Variants in STARD13 observed in about 807,000 individuals in gnomAD.
The protein encoded by STARD13 is stAR-related lipid transfer protein 13.
STARD13 carries 62 observed loss-of-function variants against 106.4 expected under a neutral mutation model. The ratio of observed to expected loss-of-function variants is 0.58; its 90% CI spans 0.48 to 0.72. The LOEUF is 0.72. STARD13 is among the 30% of genes least tolerant of loss of function. STARD13 has a pLI of 0.00. For synonymous variants in STARD13, 565 were observed against 553.0 expected (o/e 1.02, Z -0.31); for missense variants, 1,387 against 1,424.0 (o/e 0.97, Z 0.42).
the STARD13 span, among the ~76,000 whole-genome samples, chr13:33,409,295 G>A: frequency 6.6e-6 from 1 of 152,056 alleles, no homozygotes; most frequent in Non-Finnish European, 1.5e-5. Flanking sequence ...CTAAGACCCA[G>A]CTACTATCAT....
Position 33,117,594 on chromosome 13 carries a change from GCTTA to G in STARD13, c.2281+467_2281+470del, listed in dbSNP as rs559844204. The G allele has an allele frequency of 4.3e-5, 42 of 977,308 alleles. No individual in the cohort carries two copies. The South Asian group carries it at 1.8e-3, about 42-fold the overall frequency. The allele number at this position is 977,308 out of a possible 1,614,324, so 60.5% of individuals were successfully genotyped here. A position where few individuals can be genotyped will look rare whatever the true frequency, so the allele number is the denominator to read the frequency against. On this transcript the variant is annotated intron_variant, in intron 8 of 13. Transcript: ENST00000336934. Reference sequence around the variant, plus strand: ...TTAAGCTTAAGACTTGATTTGGTTTGCTTACTTTTCACCAATGAAGATACTTTGT... The same window carrying G: ...TTAAGCTTAAGACTTGATTTGGTTTGCTTTTCACCAATGAAGATACTTTGT...
At chr13:33,369,708 C>A in the STARD13 span, among the ~76,000 whole-genome samples, 1 of 151,976 alleles carries the variant, frequency 6.6e-6, no homozygotes, top group Admixed American at 6.5e-5. Flanking sequence ...AAGTGCATTA[C>A]ATATATTTTT....
the STARD13 span, among the ~76,000 whole-genome samples, chr13:33,463,157 G>A: frequency 6.6e-6 from 1 of 152,158 alleles, no homozygotes; most frequent in African/African-American, 2.4e-5. Flanking sequence ...ATTTTGCCCA[G>A]GAAAGAATTC....
chr13:33,503,343 C>T, the STARD13 span, among the ~76,000 whole-genome samples: 1 of 152,134 alleles, frequency 6.6e-6, no homozygotes, highest in Non-Finnish European at 1.5e-5. Flanking sequence ...CTCCTGGATT[C>T]ATTGATTTTT....
the STARD13 span, among the ~76,000 whole-genome samples, chr13:33,514,383 C>T: frequency 1.3e-5 from 2 of 152,010 alleles, no homozygotes; most frequent in African/African-American, 2.4e-5. Context: ...AATAACTCAT[C>T]GAAAGGAAGG....
chr13:33,512,718 C>T, the STARD13 span, among the ~76,000 whole-genome samples: 7 of 152,134 alleles, frequency 4.6e-5, no homozygotes, highest in South Asian at 1.4e-3. Flanking sequence ...ATCCACCTGC[C>T]TCGGACTCTC....
intron 1 of STARD13, among the ~76,000 whole-genome samples, chr13:33,194,457 T>C (rs1467565968): frequency 6.6e-6 from 1 of 152,222 alleles, no homozygotes; most frequent in Non-Finnish European, 1.5e-5. Flanking sequence ...CATTATCTTG[T>C]AAATGTACAT....
intron 1 of STARD13, among the ~76,000 whole-genome samples, chr13:33,188,923 C>G (rs1483196442): frequency 6.6e-6 from 1 of 152,148 alleles, no homozygotes; most frequent in Admixed American, 6.5e-5. Context: ...AATTATTTTC[C>G]GGCTAACTTT....
At chr13:33,490,800 C>T in the STARD13 span, among the ~76,000 whole-genome samples, 2 of 152,208 alleles carry the variant, frequency 1.3e-5, no homozygotes, top group African/African-American at 4.8e-5. Context: ...GCAGAAGGTC[C>T]ACTGAGCTGA....
chr13:33,469,388 C>G, the STARD13 span, among the ~76,000 whole-genome samples: 1 of 152,118 alleles, frequency 6.6e-6, no homozygotes, highest in East Asian at 1.9e-4. Flanking sequence ...GCTATGGTTT[C>G]TCTGCCTTTA....
chr13:33,290,171 G>A (rs1892238645), upstream of STARD13, among the ~76,000 whole-genome samples: 1 of 152,154 alleles, frequency 6.6e-6, no homozygotes, highest in Admixed American at 6.5e-5. Context: ...CTCACTGTCT[G>A]CTGCCCTTTC....
intron 1 of STARD13, chr13:33,350,271 G>GCGTCTC: frequency 6.6e-7 from 1 of 1,522,146 alleles, no homozygotes; most frequent in Non-Finnish European, 8.8e-7. Flanking sequence ...GTGGGTCGCG[G>GCGTCTC]CGTCTCCGGG....
chr13:33,186,125 G>C, intron 1 of STARD13: 1 of 1,418,974 alleles, frequency 7.0e-7, no homozygotes, highest in Non-Finnish European at 9.5e-7. Context: ...AGTGACCTGC[G>C]AAGCCTCAGC....
chr13:33,246,162 C>T (rs889275592), intron 1 of STARD13, among the ~76,000 whole-genome samples: 6 of 152,106 alleles, frequency 3.9e-5, no homozygotes, highest in Admixed American at 6.6e-5. Context: ...GACATAAATG[C>T]TTTGTCTGTC....
intron 1 of STARD13, among the ~76,000 whole-genome samples, chr13:33,205,407 AAAGC>A (rs1349541420): frequency 6.6e-6 from 1 of 152,206 alleles, no homozygotes; most frequent in East Asian, 1.9e-4. Flanking sequence ...ATGCTAATAC[AAAGC>A]ATTTACTGCC....
rs372373224 is a variant in STARD13 at position 33,153,508 on chromosome 13, T to C, written c.324-11135A>G. On this transcript the variant is annotated intron_variant, in intron 3 of 13. Transcript: ENST00000336934. ...GGGATGTTAAGCAGCCTGTGTGCCC[T>C]GAGTATTGCAGGGTGGCTGGGAGGT... Among the ~76,000 whole-genome samples the C allele has an allele frequency of 4.0e-3, 610 of 152,200 alleles. 18 individuals carry two copies. In the South Asian group the frequency reaches 0.048, roughly 12 times the overall value.
At position 33,129,046 on chromosome 13, in the gene STARD13, C is replaced by T; in HGVS notation, c.1631G>A (p.Gly544Asp). ...TTCCACATCACTGGGTGTCGTCCGA[C>T]CTTCTGAGACAGAGTTACCTTCAAA... ...LDFEGNSVSE[G>D]RTTPSDVERD... Residue 544 changes from glycine (G) to aspartate (D), a missense_variant, in exon 5 of 14, where the codon GGT (glycine) becomes GAT (aspartate). Physicochemically the swap from Gly to Asp is moderately conservative, Grantham distance 94. Transcript: ENST00000336934. 1 of 1,614,052 alleles carries T rather than the reference C, an allele frequency of 6.2e-7. No homozygotes were observed. The highest frequency in any genetic ancestry group is 1.1e-5 in the South Asian group (1 of 91,060).
intron 8 of STARD13, among the ~76,000 whole-genome samples, chr13:33,117,272 C>T (rs1875523965): frequency 6.6e-6 from 1 of 152,156 alleles, no homozygotes; most frequent in Non-Finnish European, 1.5e-5. Context: ...CCATGCCTGG[C>T]TAATTTTTGT....
chr13:33,117,590 G>A (rs936077104), intron 8 of STARD13: 1 of 976,612 alleles, frequency 1.0e-6, no homozygotes, highest in Non-Finnish European at 1.2e-6. Flanking sequence ...ACTTGATTTG[G>A]TTTGCTTACT....
Sources: allele counts gnomAD v4.1 joint callset (sites outside exome capture counted in the v4.1 genomes callset), GRCh38; gene constraint gnomAD v4.1.1; transcripts MANE v1.5; gene names NCBI Gene and HGNC (gene_info 2026-07-23, HGNC 2026-07-21).